Variants in EIF1AY observed in about 807,000 individuals in gnomAD.
EIF1AY encodes eukaryotic translation initiation factor 1A Y-linked.
For synonymous variants in EIF1AY, 16 were observed against 9.9 expected, an observed-to-expected ratio of 1.62 and a Z score of -1.16; for missense variants, 19 against 30.6, an observed-to-expected ratio of 0.62 and a Z score of 0.89.
At chrY:20,588,944 G>T (rs2089356751) in intron 5 of EIF1AY, 1 of 33,514 alleles carries the variant, frequency 3.0e-5, no homozygotes, top group Non-Finnish European at 7.4e-5. Context: ...TAAATAATTG[G>T]TTAACTAGTT....
intron 2 of EIF1AY, among the ~76,000 whole-genome samples, chrY:20,579,935 G>T (rs9341314): frequency 2.8e-4 from 9 of 32,349 alleles, no homozygotes; most frequent in African/African-American, 1.1e-3. Flanking sequence ...GTAAATATAC[G>T]TTCAGTATTT....
In EIF1AY at chrY:20,576,323, T is replaced by C. The variant is rs751968219; in HGVS notation, c.16+436T>C. Among the ~76,000 whole-genome samples the C allele has an allele frequency of 1.2e-4, 4 of 33,737 alleles. No individual in the cohort carries two copies. The South Asian group carries it at 2.6e-3, about 22-fold the overall frequency. 90.5% of individuals were successfully genotyped at this position (33,737 alleles called of 37,273 possible). A position where few individuals can be genotyped will look rare whatever the true frequency, so the allele number is the denominator to read the frequency against. On this transcript the variant is annotated intron_variant, in intron 1 of 6. Coordinates refer to ENST00000361365, the MANE Select transcript of EIF1AY (RefSeq NM_004681.4). Reference sequence around the variant, plus strand: ...CAGTGGGGAAGCCTTGAAGCATGTTTAGGTTCATTTCTGGCGTTTTACTCT... The same window carrying C: ...CAGTGGGGAAGCCTTGAAGCATGTTCAGGTTCATTTCTGGCGTTTTACTCT...
intron 4 of EIF1AY, among the ~76,000 whole-genome samples, chrY:20,584,934 T>C (rs2089353698): frequency 3.0e-5 from 1 of 33,182 alleles, no homozygotes; most frequent in Admixed American, 2.8e-4. Flanking sequence ...TAAATAGTAT[T>C]GGTGCAGGCT....
In EIF1AY at chrY:20,582,644, T is replaced by C; in HGVS notation, c.155T>C (p.Phe52Ser). 1 of 397,816 alleles carries C rather than the reference T, an allele frequency of 2.5e-6. No homozygotes were observed. Among genetic ancestry groups the C allele is most frequent in the South Asian group, 3.0e-5 (1 of 33,780 alleles). ...LGNGRLEALCFDGVKRLCHIR... is the reference protein window; with the variant it reads ...LGNGRLEALCSDGVKRLCHIR... The stretch of plus-strand genomic sequence containing the variant: ...AATGGACGATTGGAAGCATTGTGTT[T>C]TGATGGTGTAAAGAGGTTATGCCAT... The change falls in exon 3 of 7, where the codon TTT (phenylalanine) becomes TCT (serine). Residue 52 changes from phenylalanine to serine, a missense_variant. By Grantham distance (155) the Phe-to-Ser change is radical. Transcript: ENST00000361365.
At chrY:20,579,786 T>C in intron 2 of EIF1AY, 95 bp downstream of exon 2, 1 of 136,309 alleles carries the variant, frequency 7.3e-6, no homozygotes. Flanking sequence ...TCTTAATCAT[T>C]ATCCTGAGCC....
At chrY:20,592,243 G>T in intron 6 of EIF1AY, 98 bp from the exon 7 acceptor site, 3 of 161,688 alleles carry the variant, frequency 1.9e-5, no homozygotes, top group Non-Finnish European at 3.1e-5. Flanking sequence ...AGTTCAAAAC[G>T]ATTTACTTCA....
intron 1 of EIF1AY, among the ~76,000 whole-genome samples, chrY:20,578,388 G>A: frequency 3.0e-5 from 1 of 33,480 alleles, no homozygotes; most frequent in African/African-American, 1.2e-4. Flanking sequence ...AAATTTATGA[G>A]CTAATCATCA....
At chrY:20,587,283 TTTA>T (rs2089354972) in intron 4 of EIF1AY, 3 of 33,408 alleles carry the variant, frequency 9.0e-5, no homozygotes, top group African/African-American at 2.3e-4. Context: ...CATAGAAAAG[TTTA>T]TTATTGTTGT....
chrY:20,590,880 C>A (rs2089358578), intron 6 of EIF1AY, among the ~76,000 whole-genome samples: 1 of 33,403 alleles, frequency 3.0e-5, no homozygotes, highest in Non-Finnish European at 7.4e-5. Flanking sequence ...TCTGCTTCAT[C>A]TATCACACCC....
chrY:20,586,677 A>T (rs2089354668), intron 4 of EIF1AY: 1 of 33,656 alleles, frequency 3.0e-5, no homozygotes. Flanking sequence ...CAGATTTCTG[A>T]TATATGGATT....
At chrY:20,576,309 C>G in intron 1 of EIF1AY, among the ~76,000 whole-genome samples, 1 of 33,688 alleles carries the variant, frequency 3.0e-5, no homozygotes, top group African/African-American at 1.2e-4. Context: ...AGTGGGGAAG[C>G]CTTGAAGCAT....
At chrY:20,585,916 T>TA (rs2089354241) in intron 4 of EIF1AY, among the ~76,000 whole-genome samples, 1 of 31,156 alleles carries the variant, frequency 3.2e-5, no homozygotes, top group Non-Finnish European at 7.7e-5. Flanking sequence ...CTGTTGTTGA[T>TA]ACTGCTTGTT....
intron 3 of EIF1AY, 59 bp from the exon 4 acceptor site, chrY:20,584,415 A>G: frequency 5.3e-6 from 1 of 188,710 alleles, no homozygotes. Flanking sequence ...AGATTCACTA[A>G]ACATTCTTTT....
At chrY:20,590,111 A>AGTGT (rs1401863145) in intron 6 of EIF1AY, among the ~76,000 whole-genome samples, 3 of 26,824 alleles carry the variant, frequency 1.1e-4, no homozygotes, top group Non-Finnish European at 1.8e-4. Flanking sequence ...AGAGAGAGAG[A>AGTGT]GTGTGTGTGT....
At chrY:20,585,523 G>C (rs2124357325) in intron 4 of EIF1AY, among the ~76,000 whole-genome samples, 2 of 33,609 alleles carry the variant, frequency 6.0e-5, no homozygotes, top group Non-Finnish European at 1.5e-4. Flanking sequence ...GTTTTCTGTA[G>C]TCATCTGTCA....
At position 20,575,803 on chromosome Y, in the gene EIF1AY, A is replaced by C; in HGVS notation, c.-69A>C. The C allele has an allele frequency of 2.9e-6, 1 of 347,698 alleles. No homozygotes were observed. Among genetic ancestry groups the C allele is most frequent in the Non-Finnish European group, 4.1e-6 (1 of 242,741 alleles). 86.7% of individuals were successfully genotyped at this position (347,698 alleles called of 400,897 possible). A position where few individuals can be genotyped will look rare whatever the true frequency, so the allele number is the denominator to read the frequency against. ...GCACCCACCTGCTGCATCTTAGTTC[A>C]GTCGGCTCTTAGAGTAGTAACCGCC... On this transcript the variant is annotated 5_prime_UTR_variant, in exon 1 of 7. Coordinates refer to ENST00000361365, the MANE Select transcript of EIF1AY (RefSeq NM_004681.4).
intron 3 of EIF1AY, among the ~76,000 whole-genome samples, chrY:20,583,717 A>G: frequency 3.0e-5 from 1 of 33,046 alleles, no homozygotes; most frequent in Non-Finnish European, 7.4e-5. Context: ...TCCTAGTACC[A>G]TCACCTTGGG....
intron 3 of EIF1AY, among the ~76,000 whole-genome samples, chrY:20,583,380 GA>G (rs374684343): frequency 2.4e-3 from 60 of 24,529 alleles, no homozygotes; most frequent in Admixed American, 0.021. Flanking sequence ...ATCTCAAAAA[GA>G]AAAAAAAAAA....
intron 3 of EIF1AY, among the ~76,000 whole-genome samples, chrY:20,584,252 G>A (rs2089353133): frequency 3.4e-5 from 1 of 29,745 alleles, no homozygotes; most frequent in Non-Finnish European, 7.9e-5. Context: ...AGGCCTCTCT[G>A]CGTTGCCTAG....
Sources: allele counts gnomAD v4.1 joint callset (sites outside exome capture counted in the v4.1 genomes callset), GRCh38; gene constraint gnomAD v4.1.1; transcripts MANE v1.5; gene names NCBI Gene and HGNC (gene_info 2026-07-23, HGNC 2026-07-21).